CTNNA2: variants seen among roughly 807,000 people sequenced by gnomAD.
The protein encoded by CTNNA2 is catenin alpha-2.
A neutral mutation model predicts 101.0 loss-of-function variants in CTNNA2; 42 were observed. The observed-to-expected ratio is 0.42, with a 90% CI of 0.32 to 0.54. The LOEUF is 0.54. Ranked by LOEUF, CTNNA2 falls within the 20% of genes least tolerant of loss-of-function variation. The pLI, the probability that CTNNA2 is intolerant of heterozygous loss-of-function variation, is 0.14. For synonymous variants in CTNNA2, 450 were observed against 456.4 expected (o/e 0.99, Z 0.18); for missense variants, 871 against 1,223.1 (o/e 0.71, Z 4.29).
chr2:79,609,755 A>T lies in CTNNA2; in HGVS notation c.-5-41797A>T, dbSNP rs111380634. Reference sequence around the variant, plus strand: ...ACAGTTGTATATCCATATGCCAAAAAAATGATCTTCAATCCATAACTTACA... The same window carrying T: ...ACAGTTGTATATCCATATGCCAAAATAATGATCTTCAATCCATAACTTACA... On this transcript the variant is annotated intron_variant, in intron 1 of 18. Transcript: ENST00000402739. 5.3e-5 allele frequency among the ~76,000 whole-genome samples: 8 copies of T among 152,250 alleles called. 1 individual carries two copies. Among genetic ancestry groups the T allele is most frequent in the African/African-American group, 1.9e-4 (8 of 41,576 alleles).
intron 9 of CTNNA2, among the ~76,000 whole-genome samples, chr2:80,435,876 G>T (rs191998254): frequency 6.6e-6 from 1 of 152,110 alleles, no homozygotes; most frequent in Non-Finnish European, 1.5e-5. Context: ...CATACAGTTA[G>T]CATCTTTCCA....
rs149031619 is a variant in CTNNA2 at position 79,592,213 on chromosome 2, C to T, written c.-5-59339C>T. ...TCGGCTCACTGCAACCTCTGCCTCC[C>T]GGGTTCAGGCGATTCTCCTGTCTCA... is the stretch of plus-strand genomic sequence containing the variant. On this transcript the variant is annotated intron_variant, in intron 1 of 18. Coordinates refer to ENST00000402739, the MANE Select transcript of CTNNA2 (RefSeq NM_001282597.3). Among the ~76,000 whole-genome samples, 300 of 151,812 alleles carry T rather than the reference C, an allele frequency of 2.0e-3. 3 individuals carry two copies. Among genetic ancestry groups the T allele is most frequent in the African/African-American group, 6.9e-3 (284 of 41,376 alleles).
At chr2:79,495,230 A>G (rs1374857560) in intron 4 of CTNNA2, among the ~76,000 whole-genome samples, 3 of 152,260 alleles carry the variant, frequency 2.0e-5, no homozygotes, top group Admixed American at 1.3e-4. Flanking sequence ...TATCTGATAC[A>G]GAATTATATA....
At chr2:79,864,671 A>G (rs60743597) in intron 4 of CTNNA2, among the ~76,000 whole-genome samples, 4,837 of 152,292 alleles carry the variant, frequency 0.032, 256 homozygotes, top group African/African-American at 0.1. Context: ...TACTCAGGAT[A>G]TAGAGGCACA....
chr2:80,515,577 A>C (rs941310194), intron 9 of CTNNA2, among the ~76,000 whole-genome samples: 2 of 152,164 alleles, frequency 1.3e-5, no homozygotes, highest in African/African-American at 4.8e-5. Context: ...TGACATTGGG[A>C]TCTTATTCTC....
intron 7 of CTNNA2, among the ~76,000 whole-genome samples, chr2:80,099,459 T>C (rs887906827): frequency 6.6e-6 from 1 of 152,136 alleles, no homozygotes; most frequent in African/African-American, 2.4e-5. Flanking sequence ...TGGTCAGAAA[T>C]CCTCTCTTGC....
chr2:79,989,379 T>C (rs1692002225), intron 7 of CTNNA2, among the ~76,000 whole-genome samples: 1 of 152,128 alleles, frequency 6.6e-6, no homozygotes, highest in Non-Finnish European at 1.5e-5. Context: ...TCCCAGCACT[T>C]TGGCAGGCTG....
chr2:80,172,451 G>A (rs945627884), intron 7 of CTNNA2, among the ~76,000 whole-genome samples: 1 of 152,162 alleles, frequency 6.6e-6, no homozygotes, highest in Non-Finnish European at 1.5e-5. Flanking sequence ...AGAAGGTATG[G>A]TGTCCTCTTT....
At chr2:79,611,989 A>G (rs935628174) in intron 1 of CTNNA2, among the ~76,000 whole-genome samples, 1 of 152,092 alleles carries the variant, frequency 6.6e-6, no homozygotes, top group African/African-American at 2.4e-5. Flanking sequence ...CCAAAGTTTA[A>G]CGAGGTTGCT....
At chr2:79,709,769 T>G (rs1199397038) in intron 2 of CTNNA2, among the ~76,000 whole-genome samples, 12 of 151,878 alleles carry the variant, frequency 7.9e-5, no homozygotes, top group African/African-American at 2.2e-4. Context: ...TGGGGTAGGG[T>G]GGGGTACAGA....
chr2:79,720,955 A>G (rs1301110790), intron 2 of CTNNA2, among the ~76,000 whole-genome samples: 1 of 152,092 alleles, frequency 6.6e-6, no homozygotes, highest in East Asian at 1.9e-4. Flanking sequence ...GGAATAGTGT[A>G]CTTATATGTG....
At chr2:80,568,641 C>G (rs1573303008) in intron 12 of CTNNA2, among the ~76,000 whole-genome samples, 1 of 151,728 alleles carries the variant, frequency 6.6e-6, no homozygotes, top group African/African-American at 2.4e-5. Context: ...AGAGAACTGT[C>G]TACTTTGGGT....
chr2:80,269,501 G>T (rs1400233087), intron 7 of CTNNA2, among the ~76,000 whole-genome samples: 1 of 152,048 alleles, frequency 6.6e-6, no homozygotes, highest in African/African-American at 2.4e-5. Context: ...TGATGCAAAA[G>T]GATACCTTAA....
chr2:80,296,452 T>C (rs1343744120), intron 7 of CTNNA2, among the ~76,000 whole-genome samples: 1 of 152,248 alleles, frequency 6.6e-6, no homozygotes. Context: ...AGTTTTGTCC[T>C]AGTTAATTTA....
intron 7 of CTNNA2, among the ~76,000 whole-genome samples, chr2:80,332,226 G>A (rs1232085967): frequency 6.6e-6 from 1 of 152,186 alleles, no homozygotes; most frequent in African/African-American, 2.4e-5. Flanking sequence ...TATGACCAGT[G>A]TAGAGTTCCA....
Position 79,381,915 on chromosome 2 carries a change from G to A in CTNNA2, c.-135+7902G>A, listed in dbSNP as rs746634295. On this transcript the variant is annotated intron_variant, in intron 4 of 21. Transcript: ENST00000466387. Reference sequence around the variant, plus strand: ...CATGTTTGCCTTCAGATAGCTAAATGACTGCGTGATTGCTAATTTAATGTG... The same window carrying A: ...CATGTTTGCCTTCAGATAGCTAAATAACTGCGTGATTGCTAATTTAATGTG... Among the ~76,000 whole-genome samples the A allele has an allele frequency of 1.2e-4, 19 of 152,322 alleles. 1 individual carries two copies. Among genetic ancestry groups the A allele is most frequent in the Non-Finnish European group, 2.6e-4 (18 of 68,026 alleles).
intron 7 of CTNNA2, among the ~76,000 whole-genome samples, chr2:80,207,055 T>G (rs1707577224): frequency 1.3e-5 from 2 of 152,208 alleles, no homozygotes. Flanking sequence ...TTTGCTTACT[T>G]ATAGTCTCTG....
At chr2:79,307,851 G>T (rs11677679) in intron 2 of CTNNA2, among the ~76,000 whole-genome samples, 3,837 of 152,178 alleles carry the variant, frequency 0.025, 80 homozygotes, top group Non-Finnish European at 0.041. Flanking sequence ...GTATGAGTTT[G>T]ATTTTCTCCA....
intron 7 of CTNNA2, among the ~76,000 whole-genome samples, chr2:80,198,879 C>T (rs1352037752): frequency 6.6e-6 from 1 of 151,932 alleles, no homozygotes; most frequent in Non-Finnish European, 1.5e-5. Context: ...GTGGAACTGT[C>T]CTTTAGAATT....
Sources: allele counts gnomAD v4.1 joint callset (sites outside exome capture counted in the v4.1 genomes callset), GRCh38; gene constraint gnomAD v4.1.1; transcripts MANE v1.5; gene names NCBI Gene and HGNC (gene_info 2026-07-23, HGNC 2026-07-21).